Variants in LRP1B observed in about 807,000 individuals in gnomAD.
The protein encoded by LRP1B is LDL receptor related protein 1B, also known as low-density lipoprotein receptor-related protein 1B.
In LRP1B, 217 loss-of-function variants were observed where a neutral mutation model predicts 556.6. The ratio of observed to expected loss-of-function variants is 0.39; its 90% CI spans 0.35 to 0.44. LRP1B has a LOEUF of 0.44. Among genes scored for constraint, LRP1B ranks in the 20% least tolerant of loss-of-function variants. The probability of loss-of-function intolerance (pLI) is 1.00; values close to 1 mark genes in which losing one functional copy is unlikely to be tolerated. For missense variants in LRP1B, 5,053 were observed against 5,620.8 expected, an observed-to-expected ratio of 0.90 and a Z score of 3.23; for synonymous variants, 2,047 against 1,865.8, an observed-to-expected ratio of 1.10 and a Z score of -2.50.
chr2:140,698,003 A>T (rs1464860324), intron 41 of LRP1B, among the ~76,000 whole-genome samples: 1 of 152,046 alleles, frequency 6.6e-6, no homozygotes, highest in East Asian at 1.9e-4. Flanking sequence ...ACCAAAAAAG[A>T]TTGAGTGTAC....
chr2:140,626,202 C>T (rs1014384449), intron 41 of LRP1B, among the ~76,000 whole-genome samples: 2 of 152,002 alleles, frequency 1.3e-5, no homozygotes, highest in Non-Finnish European at 2.9e-5. Context: ...TCAGTGATTA[C>T]CAGGGATTAA....
intron 3 of LRP1B, among the ~76,000 whole-genome samples, chr2:141,343,289 T>C (rs1573833081): frequency 6.6e-6 from 1 of 152,200 alleles, no homozygotes; most frequent in South Asian, 2.1e-4. Flanking sequence ...ACATACCCAG[T>C]CTTTCCTGTA....
At chr2:142,059,520 G>A (rs1186964805) in intron 1 of LRP1B, among the ~76,000 whole-genome samples, 3 of 135,818 alleles carry the variant, frequency 2.2e-5, no homozygotes, top group African/African-American at 7.7e-5. Context: ...ACCTAATCCT[G>A]CAAAAGAACC....
At chr2:141,179,365 C>A (rs995877710) in intron 7 of LRP1B, among the ~76,000 whole-genome samples, 1 of 151,986 alleles carries the variant, frequency 6.6e-6, no homozygotes, top group East Asian at 1.9e-4. Flanking sequence ...TTTTTAATCT[C>A]ATTTTATTCC....
At chr2:140,994,617 T>C (rs1697188854) in intron 15 of LRP1B, among the ~76,000 whole-genome samples, 1 of 151,976 alleles carries the variant, frequency 6.6e-6, no homozygotes, top group Non-Finnish European at 1.5e-5. Flanking sequence ...ATTGCAGGTG[T>C]TCTTACCACA....
At chr2:140,558,817 T>A (rs1680826733) in intron 43 of LRP1B, among the ~76,000 whole-genome samples, 1 of 151,856 alleles carries the variant, frequency 6.6e-6, no homozygotes, top group Non-Finnish European at 1.5e-5. Flanking sequence ...GTGCCTGTAG[T>A]TCCAGCTACT....
intron 18 of LRP1B, among the ~76,000 whole-genome samples, chr2:140,970,355 C>T (rs927294097): frequency 1.3e-5 from 2 of 152,184 alleles, no homozygotes; most frequent in African/African-American, 4.8e-5. Context: ...AGTTCTCATG[C>T]CATGGTTTTC....
chr2:141,646,210 A>G (rs1027106253), intron 2 of LRP1B, among the ~76,000 whole-genome samples: 3 of 152,134 alleles, frequency 2.0e-5, no homozygotes, highest in Admixed American at 1.3e-4. Flanking sequence ...CATTTTGTCA[A>G]ATTTAAAAGA....
Position 140,540,890 on chromosome 2 carries a change from A to G in LRP1B, c.7513+83T>C, listed in dbSNP as rs2105015920. 6.2e-6 allele frequency: 9 copies of G among 1,442,286 alleles called. No homozygotes were observed. The South Asian group carries it at 9.1e-5, about 15-fold the overall frequency. 89.3% of individuals were successfully genotyped at this position (1,442,286 alleles called of 1,614,324 possible). A position where few individuals can be genotyped will look rare whatever the true frequency, so the allele number is the denominator to read the frequency against. On this transcript the variant is annotated intron_variant, in intron 45 of 90. Transcript: ENST00000389484. Reference sequence around the variant, plus strand: ...TAATATTAGAAGAGAGTATAACTTCATGAATACACTAACACAATTTCAGTG... The same window carrying G: ...TAATATTAGAAGAGAGTATAACTTCGTGAATACACTAACACAATTTCAGTG...
chr2:140,282,700 G>A (rs1682965924), intron 84 of LRP1B, among the ~76,000 whole-genome samples: 1 of 151,686 alleles, frequency 6.6e-6, no homozygotes. Flanking sequence ...CAAAGCTCAG[G>A]GACACAAGCT....
chr2:141,113,501 G>A (rs28477549), intron 7 of LRP1B, among the ~76,000 whole-genome samples: 2,999 of 152,102 alleles, frequency 0.02, 104 homozygotes, highest in African/African-American at 0.068. Flanking sequence ...TTTTCTTAAA[G>A]TTTGTACAAC....
intron 1 of LRP1B, among the ~76,000 whole-genome samples, chr2:142,130,265 C>T: frequency 6.6e-6 from 1 of 152,194 alleles, no homozygotes; most frequent in East Asian, 1.9e-4. Flanking sequence ...ACGCGGAGAA[C>T]CTGGAGCTCG....
chr2:140,446,167 C>T (rs552697915), intron 63 of LRP1B, among the ~76,000 whole-genome samples: 1 of 152,092 alleles, frequency 6.6e-6, no homozygotes, highest in Admixed American at 6.6e-5. Context: ...TAAGCATGTG[C>T]CTTTCCTCTA....
chr2:140,866,026 T>C (rs902692785), intron 27 of LRP1B, among the ~76,000 whole-genome samples: 1 of 152,098 alleles, frequency 6.6e-6, no homozygotes, highest in Non-Finnish European at 1.5e-5. Context: ...ATTGATCCTA[T>C]TTTGGGTGAG....
intron 1 of LRP1B, among the ~76,000 whole-genome samples, chr2:142,022,273 A>T (rs181481681): frequency 6.6e-5 from 10 of 151,164 alleles, no homozygotes; most frequent in Non-Finnish European, 1.0e-4. Flanking sequence ...CTTAAAACAT[A>T]ATGTTGTAAA....
chr2:140,419,495 A>G (rs947648719), intron 66 of LRP1B, among the ~76,000 whole-genome samples: 2 of 152,236 alleles, frequency 1.3e-5, no homozygotes, highest in East Asian at 3.8e-4. Context: ...CAAGAACATC[A>G]TAAGACTTTT....
intron 3 of LRP1B, among the ~76,000 whole-genome samples, chr2:141,425,065 C>T (rs1680303391): frequency 6.9e-6 from 1 of 145,026 alleles, no homozygotes; most frequent in Non-Finnish European, 1.5e-5. Context: ...GCTATCCCTC[C>T]CCCGTCCCCC....
chr2:140,627,998 T>C (rs760200220), intron 41 of LRP1B, among the ~76,000 whole-genome samples: 3 of 152,168 alleles, frequency 2.0e-5, no homozygotes, highest in Non-Finnish European at 4.4e-5. Context: ...ATCTGAACAG[T>C]TGTTAAGCAA....
chr2:140,711,458 G>C (rs1015437652), intron 37 of LRP1B, among the ~76,000 whole-genome samples: 3 of 151,922 alleles, frequency 2.0e-5, no homozygotes, highest in Non-Finnish European at 4.4e-5. Flanking sequence ...TCCATCACTA[G>C]CTTGCAGGCC....
Sources: allele counts gnomAD v4.1 joint callset (sites outside exome capture counted in the v4.1 genomes callset), GRCh38; gene constraint gnomAD v4.1.1; transcripts MANE v1.5; gene names NCBI Gene and HGNC (gene_info 2026-07-23, HGNC 2026-07-21).